FAM120A: variants seen among roughly 807,000 people sequenced by gnomAD.
FAM120A encodes the protein constitutive coactivator of PPAR-gamma-like protein 1.
A neutral mutation model predicts 109.7 loss-of-function variants in FAM120A; 15 were observed. The ratio of observed to expected loss-of-function variants is 0.14; its 90% CI spans 0.09 to 0.21. The LOEUF (loss-of-function observed/expected upper bound fraction) is 0.21, where lower values mean the gene tolerates loss of function less well. Ranked by LOEUF, FAM120A falls within the 10% of genes least tolerant of loss-of-function variation. FAM120A has a pLI of 1.00. For synonymous variants in FAM120A, 493 were observed against 572.8 expected (o/e 0.86, Z 1.99); for missense variants, 899 against 1,439.3 (o/e 0.62, Z 6.07).
At chr9:93,547,628 T>C (rs1327172519) in intron 11 of FAM120A, among the ~76,000 whole-genome samples, 1 of 152,218 alleles carries the variant, frequency 6.6e-6, no homozygotes, top group African/African-American at 2.4e-5. Flanking sequence ...GCTGTCTATA[T>C]TAGCACATTA....
chr9:93,466,388 C>T (rs964298729), intron 1 of FAM120A, among the ~76,000 whole-genome samples: 5 of 152,024 alleles, frequency 3.3e-5, no homozygotes, highest in African/African-American at 1.2e-4. Flanking sequence ...ATTGTCCTGG[C>T]TCTGGCTTTG....
Position 93,561,183 on chromosome 9 carries a change from A to C in FAM120A, c.2881A>C (p.Arg961=). ...GTVVGHWAGS[R]RGRGGRGPFP... ...TGTGGTTGGCCATTGGGCTGGGAGC[A>C]GGCGGGGCCGTGGGGGCCGGGGGCC... The change falls in exon 16 of 18, where the codon AGG becomes CGG. Residue 961 remains arginine (R), a synonymous_variant. Coordinates refer to ENST00000277165, the MANE Select transcript of FAM120A (RefSeq NM_014612.5). The C allele has an allele frequency of 6.2e-7, 1 of 1,613,894 alleles. No homozygotes were observed. The highest frequency in any genetic ancestry group is 8.5e-7 in the Non-Finnish European group (1 of 1,179,986).
rs367980729 is a variant in FAM120A at position 93,545,441 on chromosome 9, C to T, written c.2159+1970C>T. Among the ~76,000 whole-genome samples the T allele has an allele frequency of 3.9e-5, 6 of 152,364 alleles. No individual in the cohort carries two copies. In the East Asian group the frequency reaches 1.2e-3, roughly 29 times the overall value. On this transcript the variant is annotated intron_variant, in intron 11 of 17. Coordinates refer to ENST00000277165, the MANE Select transcript of FAM120A (RefSeq NM_014612.5). ...AGCTTCTGGCTCTGGCAGTGAGAGG[C>T]TTGGCTGGGAAGCCCCATGGCCCCT...
intron 16 of FAM120A, among the ~76,000 whole-genome samples, chr9:93,561,474 A>C (rs1862463769): frequency 6.6e-6 from 1 of 152,094 alleles, no homozygotes; most frequent in Non-Finnish European, 1.5e-5. Context: ...AGTTCAGTGT[A>C]GCCTTGACTT....
intron 3 of FAM120A, 91 bp downstream of exon 3, chr9:93,476,429 A>T: frequency 2.3e-6 from 2 of 856,196 alleles, no homozygotes; most frequent in Non-Finnish European, 1.9e-6. Flanking sequence ...TTTATTGGTG[A>T]TGCTACAAAG....
intron 10 of FAM120A, among the ~76,000 whole-genome samples, chr9:93,535,206 T>C (rs1861470143): frequency 6.6e-6 from 1 of 152,206 alleles, no homozygotes; most frequent in Admixed American, 6.5e-5. Context: ...TGTGAGGGTG[T>C]GCGTAAGTGC....
At chr9:93,551,574 G>T (rs1231958234) in intron 12 of FAM120A, among the ~76,000 whole-genome samples, 14 of 151,804 alleles carry the variant, frequency 9.2e-5, no homozygotes, top group Admixed American at 9.2e-4. Flanking sequence ...CCACAAAATT[G>T]CCTTCACCTT....
intron 9 of FAM120A, chr9:93,530,164 G>A (rs1335123740): frequency 6.3e-6 from 1 of 157,588 alleles, no homozygotes; most frequent in Non-Finnish European, 1.4e-5. Context: ...CTTTATTAGT[G>A]TCTTAATGTA....
intron 7 of FAM120A, among the ~76,000 whole-genome samples, chr9:93,518,055 C>G (rs1001737661): frequency 6.6e-6 from 1 of 152,100 alleles, no homozygotes; most frequent in Non-Finnish European, 1.5e-5. Context: ...GGAATTTGAC[C>G]TGCTCGGGGT....
chr9:93,556,637 A>G, intron 13 of FAM120A, 46 bp downstream of exon 13: 1 of 1,530,532 alleles, frequency 6.5e-7, no homozygotes, highest in African/African-American at 1.4e-5. Flanking sequence ...AATGAAATAA[A>G]GCTCACTGGT....
chr9:93,494,517 T>G (rs1160195487), intron 3 of FAM120A, among the ~76,000 whole-genome samples: 2 of 152,178 alleles, frequency 1.3e-5, no homozygotes, highest in African/African-American at 2.4e-5. Context: ...CCTGTTCCAT[T>G]ACTGTCTTTG....
chr9:93,554,230 A>G (rs1458053254), intron 12 of FAM120A, among the ~76,000 whole-genome samples: 1 of 150,280 alleles, frequency 6.7e-6, no homozygotes, highest in Non-Finnish European at 1.5e-5. Context: ...TAATAGTTTT[A>G]ACTAGGGCGC....
chr9:93,472,525 C>A (rs1322882637), intron 2 of FAM120A, among the ~76,000 whole-genome samples: 2 of 152,136 alleles, frequency 1.3e-5, no homozygotes, highest in Non-Finnish European at 2.9e-5. Flanking sequence ...ACACACAAGG[C>A]CAGTTTGGGA....
chr9:93,490,614 A>C (rs1195370077), intron 3 of FAM120A, among the ~76,000 whole-genome samples: 1 of 152,262 alleles, frequency 6.6e-6, no homozygotes, highest in Non-Finnish European at 1.5e-5. Context: ...TTGATTTTAA[A>C]GATGTAACCA....
chr9:93,525,499 C>A (rs945218527), intron 7 of FAM120A, among the ~76,000 whole-genome samples: 1 of 152,194 alleles, frequency 6.6e-6, no homozygotes, highest in African/African-American at 2.4e-5. Context: ...AGCTTAACAA[C>A]AGTTTGAGAA....
intron 5 of FAM120A, among the ~76,000 whole-genome samples, chr9:93,508,478 C>T (rs1038299081): frequency 6.6e-6 from 1 of 152,194 alleles, no homozygotes; most frequent in Non-Finnish European, 1.5e-5. Context: ...CTGCAACGCC[C>T]AGTGACTGAC....
At chr9:93,503,709 C>G (rs528294174) in intron 5 of FAM120A, among the ~76,000 whole-genome samples, 1 of 151,958 alleles carries the variant, frequency 6.6e-6, no homozygotes, top group Non-Finnish European at 1.5e-5. Context: ...ACCCTAATGC[C>G]AACTGTGGGC....
Position 93,500,069 on chromosome 9 carries a change from C to T in FAM120A, c.1030+1183C>T, listed in dbSNP as rs1859734957. On this transcript the variant is annotated intron_variant, in intron 5 of 17. Transcript: ENST00000277165. This position sits in a 1 kb window ranked among gnomAD's most constrained non-coding sequence, Gnocchi z 4.6. ...AGATGGGCATGGAGTGGCTGAATCT[C>T]CACTGCGAGGTCAGTAAATGGCAGC... Among the ~76,000 whole-genome samples, 1 of 152,224 alleles carries T rather than the reference C, an allele frequency of 6.6e-6. No homozygotes were observed. The highest frequency in any genetic ancestry group is 1.5e-5 in the Non-Finnish European group (1 of 68,038).
Position 93,498,586 on chromosome 9 carries a change from A to C in FAM120A, c.934-204A>C, listed in dbSNP as rs1173956227. On this transcript the variant is annotated intron_variant, in intron 4 of 17. Transcript: ENST00000277165. The surrounding 1 kb of genome is among the most constrained non-coding windows in gnomAD (Gnocchi z 4.4). Reference sequence around the variant, plus strand: ...ACTTTGGAGTTCTGCTCTTGTGACTACATTGCTTTAAAAGAATTCACGTTT... The same window carrying C: ...ACTTTGGAGTTCTGCTCTTGTGACTCCATTGCTTTAAAAGAATTCACGTTT... Among the ~76,000 whole-genome samples the C allele has an allele frequency of 6.6e-6, 1 of 152,242 alleles. No homozygotes were observed. Among genetic ancestry groups the C allele is most frequent in the East Asian group, 1.9e-4 (1 of 5,206 alleles).
Sources: allele counts gnomAD v4.1 joint callset (sites outside exome capture counted in the v4.1 genomes callset), GRCh38; gene constraint gnomAD v4.1.1; non-coding constraint Gnocchi (gnomAD v3.1); transcripts MANE v1.5; gene names NCBI Gene and HGNC (gene_info 2026-07-23, HGNC 2026-07-21).